Variants in TENM3 observed in about 807,000 individuals in gnomAD.
TENM3 encodes the protein teneurin-3.
In TENM3, 63 loss-of-function variants were observed where a neutral mutation model predicts 255.1. That is an observed-to-expected ratio of 0.25 (90% CI 0.20 to 0.30). The LOEUF is 0.30. TENM3 is among the 10% of genes least tolerant of loss of function. The pLI is 1.00. For missense variants in TENM3, 2,929 were observed against 3,461.1 expected, an observed-to-expected ratio of 0.85 and a Z score of 3.86; for synonymous variants, 1,306 against 1,322.3, an observed-to-expected ratio of 0.99 and a Z score of 0.27.
intron 1 of TENM3, among the ~76,000 whole-genome samples, chr4:182,277,136 A>C: frequency 6.6e-6 from 1 of 152,242 alleles, no homozygotes; most frequent in East Asian, 1.9e-4. Context: ...GGAATGTTTA[A>C]AGAAAAAGCA....
At chr4:182,089,088 T>C in the TENM3 span, among the ~76,000 whole-genome samples, 1 of 152,120 alleles carries the variant, frequency 6.6e-6, no homozygotes, top group African/African-American at 2.4e-5. Context: ...AACTGGGAAG[T>C]GGGCCCTCAC....
the TENM3 span, among the ~76,000 whole-genome samples, chr4:182,122,412 G>A: frequency 6.6e-6 from 1 of 152,172 alleles, no homozygotes; most frequent in Non-Finnish European, 1.5e-5. Context: ...TAAATAATAA[G>A]ACTTGAAAGT....
intron 3 of TENM3, among the ~76,000 whole-genome samples, chr4:182,449,304 TC>T (rs1006766585): frequency 6.7e-6 from 1 of 149,848 alleles, no homozygotes; most frequent in Non-Finnish European, 1.5e-5. Flanking sequence ...GAGGCAACAT[TC>T]GCATCTGAGA....
chr4:181,676,077 AG>A, the TENM3 span, among the ~76,000 whole-genome samples: 26,281 of 151,832 alleles, frequency 0.17, 2,446 homozygotes, highest in South Asian at 0.26. Flanking sequence ...GGCTGCGGGA[AG>A]GGGGGGTGCA....
At chr4:181,871,140 C>T in the TENM3 span, among the ~76,000 whole-genome samples, 1 of 151,974 alleles carries the variant, frequency 6.6e-6, no homozygotes, top group Non-Finnish European at 1.5e-5. Flanking sequence ...TATATCAATA[C>T]CACACTAAGA....
At chr4:182,106,859 G>T in the TENM3 span, among the ~76,000 whole-genome samples, 1 of 152,108 alleles carries the variant, frequency 6.6e-6, no homozygotes, top group African/African-American at 2.4e-5. Flanking sequence ...CCATATTTCA[G>T]CTCATGGGAC....
At chr4:181,665,035 A>C in the TENM3 span, among the ~76,000 whole-genome samples, 1 of 152,152 alleles carries the variant, frequency 6.6e-6, no homozygotes, top group African/African-American at 2.4e-5. Flanking sequence ...GGGGGGTGCC[A>C]CTCTTATTCT....
intron 3 of TENM3, among the ~76,000 whole-genome samples, chr4:182,492,897 T>A (rs1270153572): frequency 6.6e-6 from 1 of 152,176 alleles, no homozygotes; most frequent in Non-Finnish European, 1.5e-5. Context: ...AACATTTTTT[T>A]TTTTTTACAG....
At chr4:182,138,070 C>T in the TENM3 span, among the ~76,000 whole-genome samples, 1 of 152,320 alleles carries the variant, frequency 6.6e-6, no homozygotes, top group East Asian at 1.9e-4. Flanking sequence ...TAGCGAAGTG[C>T]ACTTGCAAAT....
At chr4:181,786,273 CCTT>C in the TENM3 span, among the ~76,000 whole-genome samples, 1 of 152,170 alleles carries the variant, frequency 6.6e-6, no homozygotes, top group Non-Finnish European at 1.5e-5. Flanking sequence ...GAAAACATCT[CCTT>C]CACCCTCTGA....
At chr4:181,959,158 A>T in the TENM3 span, among the ~76,000 whole-genome samples, 3 of 152,212 alleles carry the variant, frequency 2.0e-5, no homozygotes, top group South Asian at 2.1e-4. Context: ...GTTATGATAC[A>T]CTGAACTCAA....
At chr4:181,749,815 C>T in the TENM3 span, among the ~76,000 whole-genome samples, 2 of 152,102 alleles carry the variant, frequency 1.3e-5, no homozygotes, top group Non-Finnish European at 2.9e-5. Flanking sequence ...AGTGGCAAGA[C>T]TAGAGTTAGC....
chr4:181,472,035 A>G, the TENM3 span, among the ~76,000 whole-genome samples: 1 of 151,974 alleles, frequency 6.6e-6, no homozygotes, highest in East Asian at 1.9e-4. Context: ...TTGTCACATG[A>G]GGGTCTTCCT....
the TENM3 span, among the ~76,000 whole-genome samples, chr4:181,976,934 A>G: frequency 4.6e-5 from 7 of 152,360 alleles, no homozygotes; most frequent in African/African-American, 1.7e-4. Flanking sequence ...ATTTGCCACT[A>G]TTGAGAGCTG....
chr4:182,426,403 A>G (rs987791691), intron 3 of TENM3, among the ~76,000 whole-genome samples: 2 of 152,204 alleles, frequency 1.3e-5, no homozygotes, highest in Non-Finnish European at 2.9e-5. Flanking sequence ...CCTAAAGACC[A>G]TTAAGATAGC....
the TENM3 span, among the ~76,000 whole-genome samples, chr4:181,492,523 TTC>T: frequency 6.6e-6 from 1 of 152,258 alleles, no homozygotes; most frequent in Non-Finnish European, 1.5e-5. Context: ...AAGTTTGTTG[TTC>T]TGTTTTCCAT....
At chr4:182,139,263 A>C (rs1390092348), upstream of TENM3, among the ~76,000 whole-genome samples, 2 of 152,202 alleles carry the variant, frequency 1.3e-5, no homozygotes, top group Non-Finnish European at 2.9e-5. Flanking sequence ...TTTAAAAACT[A>C]TGTGTTCCAG....
chr4:181,690,585 G>A, the TENM3 span, among the ~76,000 whole-genome samples: 1 of 152,046 alleles, frequency 6.6e-6, no homozygotes, highest in Non-Finnish European at 1.5e-5. Context: ...CAACGAAATT[G>A]TGACACTCAC....
intron 3 of TENM3, among the ~76,000 whole-genome samples, chr4:182,511,010 C>T (rs1217410180): frequency 6.6e-6 from 1 of 152,180 alleles, no homozygotes; most frequent in East Asian, 1.9e-4. Context: ...ACAGTGGATT[C>T]CCCAAGCTCA....
Sources: allele counts gnomAD v4.1 joint callset (sites outside exome capture counted in the v4.1 genomes callset), GRCh38; gene constraint gnomAD v4.1.1; transcripts MANE v1.5; gene names NCBI Gene and HGNC (gene_info 2026-07-23, HGNC 2026-07-21).